The following N4BP1 variants were observed in gnomAD, a reference collection of about 807,000 sequenced individuals.
N4BP1 encodes the protein NEDD4 binding protein 1.
In N4BP1, 21 loss-of-function variants were observed where a neutral mutation model predicts 70.9. The ratio of observed to expected loss-of-function variants is 0.30; its 90% CI spans 0.21 to 0.43. The LOEUF (loss-of-function observed/expected upper bound fraction) is 0.43, where lower values mean the gene tolerates loss of function less well. Ranked by LOEUF, N4BP1 falls within the 20% of genes least tolerant of loss-of-function variation. The pLI is 1.00. For missense variants in N4BP1, 936 were observed against 1,069.4 expected (o/e 0.88, Z 1.74); for synonymous variants, 387 against 394.6 (o/e 0.98, Z 0.23).
intron 1 of N4BP1, among the ~76,000 whole-genome samples, chr16:48,594,009 AAAAAAAAAAC>A (rs1964374979): frequency 6.6e-6 from 1 of 150,694 alleles, no homozygotes; most frequent in African/African-American, 2.4e-5. Flanking sequence ...CTCAAAAAAA[AAAAAAAAAAC>A]AAAAAAAAAA....
chr16:48,595,232 C>T (rs1434640630), intron 1 of N4BP1, among the ~76,000 whole-genome samples: 1 of 151,838 alleles, frequency 6.6e-6, no homozygotes, highest in Non-Finnish European at 1.5e-5. Flanking sequence ...GAGGCTGAGG[C>T]GGGTGGATCA....
At chr16:48,598,059 T>C (rs564157869) in intron 1 of N4BP1, among the ~76,000 whole-genome samples, 1 of 152,256 alleles carries the variant, frequency 6.6e-6, no homozygotes, top group East Asian at 1.9e-4. Flanking sequence ...CCTCTATAAA[T>C]GCCAAGTGGA....
chr16:48,542,828 A>G lies in N4BP1; in HGVS notation c.*76T>C, dbSNP rs1963524531. The G allele has an allele frequency of 2.0e-5, 25 of 1,256,262 alleles. No individual in the cohort carries two copies. In the South Asian group the frequency reaches 3.8e-4, roughly 19 times the overall value. The allele number at this position is 1,256,262 out of a possible 1,614,324, so 77.8% of individuals were successfully genotyped here. A position where few individuals can be genotyped will look rare whatever the true frequency, so the allele number is the denominator to read the frequency against. On this transcript the variant is annotated 3_prime_UTR_variant, in exon 7 of 7. Coordinates refer to ENST00000262384, the MANE Select transcript of N4BP1 (RefSeq NM_153029.4). ...AAATAAGTTTCTTCACATTATGTTC[A>G]TTCCCATCAGGTACAGGTGTGAGCT... is the stretch of plus-strand genomic sequence containing the variant.
chr16:48,569,377 G>A (rs1199111253), intron 1 of N4BP1, among the ~76,000 whole-genome samples: 1 of 152,076 alleles, frequency 6.6e-6, no homozygotes, highest in Non-Finnish European at 1.5e-5. Context: ...AGTTTTCAAA[G>A]CCCTGCAATG....
intron 1 of N4BP1, among the ~76,000 whole-genome samples, chr16:48,586,511 G>A (rs983050401): frequency 6.6e-6 from 1 of 151,926 alleles, no homozygotes; most frequent in Non-Finnish European, 1.5e-5. Flanking sequence ...TGTCTATAAC[G>A]TAACAAGAGC....
Position 48,603,161 on chromosome 16 carries a change from C to T in N4BP1, c.198+6614G>A, listed in dbSNP as rs140421676. Among the ~76,000 whole-genome samples the T allele has an allele frequency of 8.1e-3, 1,237 of 152,196 alleles. 12 individuals are homozygous for T. Among genetic ancestry groups the T allele is most frequent in the African/African-American group, 0.028 (1,142 of 41,512 alleles). ...TCATTCTTACCTTACTCCATAAATA[C>T]ATAAGTAAAAACTGGGAAAAGGTCA... On this transcript the variant is annotated intron_variant, in intron 1 of 6. Transcript: ENST00000262384.
At chr16:48,555,845 G>A (rs1158993971) in intron 2 of N4BP1, among the ~76,000 whole-genome samples, 1 of 152,162 alleles carries the variant, frequency 6.6e-6, no homozygotes, top group Non-Finnish European at 1.5e-5. Context: ...GTCCTCAAAA[G>A]GATAACCCTT....
intron 1 of N4BP1, among the ~76,000 whole-genome samples, chr16:48,596,883 T>C (rs192352002): frequency 2.2e-3 from 333 of 152,286 alleles, no homozygotes; most frequent in African/African-American, 7.5e-3. Flanking sequence ...AAATTGCTCC[T>C]GGGGATAACA....
At chr16:48,608,640 T>A (rs1037286410) in intron 1 of N4BP1, among the ~76,000 whole-genome samples, 1 of 151,894 alleles carries the variant, frequency 6.6e-6, no homozygotes, top group Non-Finnish European at 1.5e-5. Context: ...CATACTGTGT[T>A]GCTTTTTGGT....
chr16:48,579,705 T>C (rs774616372), intron 1 of N4BP1, among the ~76,000 whole-genome samples: 1 of 150,686 alleles, frequency 6.6e-6, no homozygotes, highest in Non-Finnish European at 1.5e-5. Context: ...TCCAAGTATA[T>C]GCTGCCTGCA....
chr16:48,603,498 C>G (rs1445098469), intron 1 of N4BP1, among the ~76,000 whole-genome samples: 1 of 152,116 alleles, frequency 6.6e-6, no homozygotes, highest in African/African-American at 2.4e-5. Flanking sequence ...CTTCCAATTA[C>G]TTCTTTTATT....
At chr16:48,551,517 A>G in intron 3 of N4BP1, 35 bp from the exon 4 acceptor site, 1 of 1,436,698 alleles carries the variant, frequency 7.0e-7, no homozygotes, top group Non-Finnish European at 9.7e-7. Flanking sequence ...ACATTCAGAA[A>G]AGGGCTATCT....
rs113396808 is a variant in N4BP1 at position 48,609,288 on chromosome 16, GT to G, written c.198+486del. On this transcript the variant is annotated intron_variant, in intron 1 of 6. Transcript: ENST00000262384. Reference sequence around the variant, plus strand: ...TCCGAGCGTTTTATTACTATTAATAGTTTTTTTCCGATTCTCAAGAGGAACT... The same window carrying G: ...TCCGAGCGTTTTATTACTATTAATAGTTTTTTCCGATTCTCAAGAGGAACT... 2.3e-3 allele frequency among the ~76,000 whole-genome samples: 351 copies of G among 152,234 alleles called. 2 individuals carry two copies. The highest frequency in any genetic ancestry group is 8.1e-3 in the African/African-American group (338 of 41,536).
rs759397187 is a variant in N4BP1, at chr16:48,553,545, C to T, written c.2014G>A (p.Val672Ile). 1.2e-5 allele frequency: 19 copies of T among 1,554,270 alleles called. No homozygotes were observed. The highest frequency in any genetic ancestry group is 2.6e-6 in the Non-Finnish European group (3 of 1,154,332). ...AAAAATCAGTTTGCCTCACCTGTGA[C>T]ATTAGGATCACGCCTTGTTCTCCAC... The part of the protein sequence containing the change: ...PQWRTRRDPN[V>I]TEQHFLTQLQ... Residue 672 changes from valine (V) to isoleucine (I), a missense_variant, in exon 3 of 7, where the codon GTC becomes ATC. Around this residue, in one of 4 missense-constraint regions of N4BP1, gnomAD observed 229 missense variants for 343.5 expected, o/e 0.67. Transcript: ENST00000262384.
At chr16:48,566,397 G>A (rs568530963) in intron 1 of N4BP1, among the ~76,000 whole-genome samples, 5 of 152,100 alleles carry the variant, frequency 3.3e-5, no homozygotes, top group East Asian at 3.9e-4. Flanking sequence ...TTTCAGCACC[G>A]CTTTAGTGGC....
chr16:48,585,488 AATG>A (rs1007966065), intron 1 of N4BP1, among the ~76,000 whole-genome samples: 2 of 151,848 alleles, frequency 1.3e-5, no homozygotes, highest in Non-Finnish European at 2.9e-5. Flanking sequence ...AAAAAAAATA[AATG>A]ATTATATAAA....
intron 1 of N4BP1, among the ~76,000 whole-genome samples, chr16:48,584,414 C>T (rs1464869126): frequency 6.6e-6 from 1 of 152,156 alleles, no homozygotes; most frequent in Non-Finnish European, 1.5e-5. Flanking sequence ...AGAAAAGCCT[C>T]ATTTTTCACG....
chr16:48,605,264 C>G (rs1043475189), intron 1 of N4BP1, among the ~76,000 whole-genome samples: 3 of 152,122 alleles, frequency 2.0e-5, no homozygotes, highest in South Asian at 2.1e-4. Context: ...CTCCCGACCT[C>G]AGGTGATCAG....
At chr16:48,577,010 TGCCTCA>T (rs1007970584) in intron 1 of N4BP1, among the ~76,000 whole-genome samples, 16 of 152,334 alleles carry the variant, frequency 1.1e-4, no homozygotes, top group African/African-American at 3.6e-4. Flanking sequence ...GCAATCCTCC[TGCCTCA>T]GCCTCTCAAA....
Sources: allele counts gnomAD v4.1 joint callset (sites outside exome capture counted in the v4.1 genomes callset), GRCh38; gene constraint gnomAD v4.1.1; regional missense constraint gnomAD v4.1.1; transcripts MANE v1.5; gene names NCBI Gene and HGNC (gene_info 2026-07-23, HGNC 2026-07-21).